The following PLCE1 variants were observed in gnomAD, a reference collection of about 807,000 sequenced individuals.
The protein encoded by PLCE1 is 1-phosphatidylinositol 4,5-bisphosphate phosphodiesterase epsilon-1.
PLCE1 carries 119 observed loss-of-function variants against 242.8 expected under a neutral mutation model. The ratio of observed to expected loss-of-function variants is 0.49; its 90% CI spans 0.42 to 0.57. The LOEUF (loss-of-function observed/expected upper bound fraction) is 0.57, where lower values mean the gene tolerates loss of function less well. PLCE1 is among the 20% of genes least tolerant of loss of function. PLCE1 has a pLI of 0.00. For missense variants in PLCE1, 2,441 were observed against 2,788.8 expected, an observed-to-expected ratio of 0.88 and a Z score of 2.81; for synonymous variants, 945 against 1,017.4, an observed-to-expected ratio of 0.93 and a Z score of 1.35.
chr10:94,012,045 A>G (rs2061179054), intron 1 of PLCE1, among the ~76,000 whole-genome samples: 1 of 152,178 alleles, frequency 6.6e-6, no homozygotes, highest in Non-Finnish European at 1.5e-5. Context: ...GCACTGATGT[A>G]GCAGGTGTCC....
intron 32 of PLCE1, among the ~76,000 whole-genome samples, chr10:94,326,994 A>AC (rs2054043511): frequency 2.6e-5 from 4 of 152,054 alleles, no homozygotes; most frequent in Non-Finnish European, 4.4e-5. Context: ...CCCCGTCTCT[A>AC]CTAAAAATAC....
rs919559993 is a variant in PLCE1 at position 94,091,865 on chromosome 10, A to T, written c.1207-40309A>T. ...ATAGGACTGGCCAAGCTAAAAAAAA[A>T]TCAGGCCAATTAGCAATAATGAGAG... On this transcript the variant is annotated intron_variant, in intron 2 of 32. Coordinates refer to ENST00000371380, the MANE Select transcript of PLCE1 (RefSeq NM_016341.4). Among the ~76,000 whole-genome samples, 7 of 152,354 alleles carry T rather than the reference A, an allele frequency of 4.6e-5. No individual in the cohort carries two copies. In the East Asian group the frequency reaches 1.3e-3, roughly 29 times the overall value.
intron 2 of PLCE1, among the ~76,000 whole-genome samples, chr10:94,037,742 T>A (rs1193474154): frequency 6.6e-6 from 1 of 152,180 alleles, no homozygotes; most frequent in Non-Finnish European, 1.5e-5. Flanking sequence ...TTTCCCTTAT[T>A]AGCTGCATTG....
At chr10:94,059,609 A>G (rs867359648) in intron 2 of PLCE1, among the ~76,000 whole-genome samples, 1 of 152,242 alleles carries the variant, frequency 6.6e-6, no homozygotes, top group East Asian at 1.9e-4. Context: ...GGAGCTGGCC[A>G]GGCAAGCACA....
In PLCE1 at chr10:94,262,619, A is replaced by G. The variant is rs1372474008; in HGVS notation, c.3940A>G (p.Ile1314Val). ...AASIVTNGTG[I>V]ESTSLGIFGV... ...AAGCATTGTGACAAATGGCACTGGG[A>G]TTGAGAGCACATCTCTGGGCATTTT... is the stretch of plus-strand genomic sequence containing the variant. Residue 1314 changes from isoleucine to valine, a missense_variant, in exon 14 of 33, where the codon ATT (isoleucine) becomes GTT (valine). Ile to Val is a conservative substitution (Grantham distance 29). This residue lies in a region of PLCE1 where 1,004 missense variants were observed against 1,322.7 expected (regional missense o/e 0.76). Transcript: ENST00000371380. 6 of 1,613,936 alleles carry G rather than the reference A, an allele frequency of 3.7e-6. No individual in the cohort carries two copies. Among genetic ancestry groups the G allele is most frequent in the Non-Finnish European group, 5.1e-6 (6 of 1,179,948 alleles).
At chr10:94,219,034 A>C (rs1273836732) in intron 4 of PLCE1, among the ~76,000 whole-genome samples, 2 of 149,644 alleles carry the variant, frequency 1.3e-5, no homozygotes, top group South Asian at 2.1e-4. Flanking sequence ...TATAAAAATA[A>C]TTATCCAATT....
intron 2 of PLCE1, among the ~76,000 whole-genome samples, chr10:94,113,312 A>T (rs1459054704): frequency 6.6e-6 from 1 of 151,084 alleles, no homozygotes; most frequent in Non-Finnish European, 1.5e-5. Flanking sequence ...TGGCATGAGG[A>T]CTTCACACTG....
chr10:94,006,445 A>G (rs2061039226), intron 1 of PLCE1, among the ~76,000 whole-genome samples: 1 of 152,210 alleles, frequency 6.6e-6, no homozygotes, highest in African/African-American at 2.4e-5. Flanking sequence ...GACAAGTTCA[A>G]ATGACAAGTC....
chr10:94,095,541 G>GA (rs1400039105), intron 2 of PLCE1, among the ~76,000 whole-genome samples: 1 of 151,966 alleles, frequency 6.6e-6, no homozygotes, highest in Non-Finnish European at 1.5e-5. Context: ...AATTTTTGTA[G>GA]AAATGAGGTT....
intron 3 of PLCE1, among the ~76,000 whole-genome samples, chr10:94,169,405 T>C (rs1390298497): frequency 6.6e-6 from 1 of 152,132 alleles, no homozygotes; most frequent in Non-Finnish European, 1.5e-5. Flanking sequence ...GGATTAAAGG[T>C]GGAGATAACC....
At chr10:94,022,140 A>G (rs2061385801) in intron 1 of PLCE1, among the ~76,000 whole-genome samples, 1 of 152,018 alleles carries the variant, frequency 6.6e-6, no homozygotes, top group Admixed American at 6.5e-5. Context: ...TCTATGTAGA[A>G]AATTCTAAGT....
At chr10:94,089,414 C>T (rs772293386) in intron 2 of PLCE1, 4 of 1,498,350 alleles carry the variant, frequency 2.7e-6, no homozygotes, top group Admixed American at 4.1e-5. Context: ...CCCCAGTGTT[C>T]TTAATGCATG....
chr10:94,099,908 C>G (rs1246246470), intron 2 of PLCE1: 1 of 152,082 alleles, frequency 6.6e-6, no homozygotes, highest in Non-Finnish European at 1.5e-5. Context: ...CTTTAAACTT[C>G]CTATTTGTCC....
At chr10:94,174,967 A>T (rs901203891) in intron 4 of PLCE1, among the ~76,000 whole-genome samples, 1 of 152,178 alleles carries the variant, frequency 6.6e-6, no homozygotes, top group African/African-American at 2.4e-5. Context: ...AAAGATGCTA[A>T]CATTAGAGGA....
chr10:94,312,814 C>T (rs1050863609), intron 27 of PLCE1, among the ~76,000 whole-genome samples: 1 of 152,144 alleles, frequency 6.6e-6, no homozygotes, highest in Non-Finnish European at 1.5e-5. Flanking sequence ...ACACACTTAC[C>T]GACCTCTTTC....
chr10:94,255,757 A>C (rs1157679417), intron 11 of PLCE1, among the ~76,000 whole-genome samples: 1 of 152,110 alleles, frequency 6.6e-6, no homozygotes, highest in Admixed American at 6.6e-5. Context: ...ATGATATTAA[A>C]ATGGCAGACT....
intron 2 of PLCE1, among the ~76,000 whole-genome samples, chr10:94,125,269 C>G (rs939312091): frequency 6.6e-6 from 1 of 152,204 alleles, no homozygotes; most frequent in Non-Finnish European, 1.5e-5. Context: ...ACTACAATTA[C>G]CCCTCTGTTG....
chr10:94,320,285 C>T (rs1470057517), intron 29 of PLCE1, among the ~76,000 whole-genome samples: 2 of 151,776 alleles, frequency 1.3e-5, no homozygotes, highest in East Asian at 1.9e-4. Flanking sequence ...ATGGAGTATT[C>T]ATTCATGGGA....
intron 1 of PLCE1, among the ~76,000 whole-genome samples, chr10:94,016,076 G>C (rs1002520621): frequency 2.0e-5 from 3 of 152,176 alleles, no homozygotes; most frequent in Non-Finnish European, 2.9e-5. Flanking sequence ...CATAAAACAG[G>C]TGAGAGTATG....
Sources: gnomAD v4.1 joint callset for allele counts (sites outside exome capture counted in the v4.1 genomes callset) on GRCh38, gnomAD v4.1.1 for gene constraint, gnomAD v4.1.1 regional missense constraint, MANE v1.5 for transcripts, NCBI Gene and HGNC (gene_info 2026-07-23, HGNC 2026-07-21) for gene names.